Variants in NXPE1 observed in about 807,000 individuals in gnomAD.
The protein encoded by NXPE1 is neurexophilin and PC-esterase domain family member 1.
In NXPE1, 31 loss-of-function variants were observed where a neutral mutation model predicts 33.3. The observed-to-expected ratio is 0.93, with a 90% CI of 0.70 to 1.26. NXPE1 has a LOEUF of 1.26. Among genes scored for constraint, NXPE1 ranks in the 50% most tolerant of loss-of-function variants. The pLI is 0.00. For missense variants in NXPE1, 661 were observed against 655.6 expected (o/e 1.01, Z -0.09); for synonymous variants, 229 against 231.4 (o/e 0.99, Z 0.09).
At chr11:114,536,440 G>T (rs1947827964) in intron 5 of NXPE1, among the ~76,000 whole-genome samples, 1 of 152,046 alleles carries the variant, frequency 6.6e-6, no homozygotes, top group Non-Finnish European at 1.5e-5. Flanking sequence ...ATCAGAGCAG[G>T]ACTGAAGGAA....
At chr11:114,530,771 T>C (rs1947550666) in exon 6 of NXPE1, 3 of 1,614,148 alleles carry the variant, frequency 1.9e-6, no homozygotes, top group African/African-American at 2.7e-5. Flanking sequence ...GCTGATCTAG[T>C]TTCTCTATGA....
At chr11:114,525,979 T>C (rs899598604) in intron 7 of NXPE1, among the ~76,000 whole-genome samples, 3 of 152,154 alleles carry the variant, frequency 2.0e-5, no homozygotes, top group African/African-American at 7.2e-5. Flanking sequence ...GGTATGGCCT[T>C]TGAGATGGAG....
At chr11:114,529,384 C>A (rs1330520481) in intron 6 of NXPE1, 1 of 152,128 alleles carries the variant, frequency 6.6e-6, no homozygotes, top group African/African-American at 2.4e-5. Flanking sequence ...TCAAAGTAGC[C>A]CATGAAGGAA....
At chr11:114,534,392 AG>A (rs1328763377) in intron 5 of NXPE1, among the ~76,000 whole-genome samples, 4 of 152,356 alleles carry the variant, frequency 2.6e-5, no homozygotes, top group African/African-American at 9.6e-5. Flanking sequence ...TCTCCTCCAA[AG>A]GAACGCAGCT....
At chr11:114,538,689 A>C (rs1297516506) in intron 5 of NXPE1, among the ~76,000 whole-genome samples, 1 of 152,246 alleles carries the variant, frequency 6.6e-6, no homozygotes, top group Non-Finnish European at 1.5e-5. Flanking sequence ...AAAAATGCTC[A>C]TCATCACTGG....
chr11:114,519,810 A>G (rs1947169969), downstream of NXPE1, among the ~76,000 whole-genome samples: 2 of 152,106 alleles, frequency 1.3e-5, no homozygotes, highest in Non-Finnish European at 2.9e-5. Flanking sequence ...ATACAGTGTG[A>G]TGTTTTGATA....
intron 1 of NXPE1, among the ~76,000 whole-genome samples, chr11:114,553,156 C>T (rs1305937117): frequency 9.2e-5 from 14 of 152,194 alleles, no homozygotes; most frequent in African/African-American, 9.6e-5. Flanking sequence ...TTTCCTCAAT[C>T]GTTTTCATTG....
chr11:114,534,989 C>A (rs1185362142), intron 5 of NXPE1, among the ~76,000 whole-genome samples: 1 of 152,058 alleles, frequency 6.6e-6, no homozygotes, highest in Admixed American at 6.6e-5. Context: ...TCAAATTCAC[C>A]AAAGTTTAAA....
chr11:114,539,605 T>C (rs1338001689), intron 5 of NXPE1, among the ~76,000 whole-genome samples: 1 of 152,184 alleles, frequency 6.6e-6, no homozygotes, highest in African/African-American at 2.4e-5. Context: ...AAATTAAAAA[T>C]TTTCTGTATT....
At chr11:114,551,021 T>C in intron 5 of NXPE1, 82 bp downstream of exon 5, 1 of 715,214 alleles carries the variant, frequency 1.4e-6, no homozygotes, top group South Asian at 1.6e-5. Context: ...GGGGCAGGAC[T>C]AATGGAGTGG....
chr11:114,522,489 CA>C lies in NXPE1; in HGVS notation c.1122del (p.Phe374LeufsTer40). 1 of 1,593,612 alleles carries C rather than the reference CA, an allele frequency of 6.3e-7. No homozygotes were observed. The highest frequency in any genetic ancestry group is 8.5e-7 in the Non-Finnish European group (1 of 1,169,770). On this transcript the variant is annotated frameshift_variant, in exon 9 of 9. Transcript: ENST00000534921. LOFTEE classifies it low-confidence loss of function (END_TRUNC). ...TTAAAGATTCCAGTTTCATGAAGAT[CA>C]AAAAACTTCAGTGCTGATAAAAAAA... is the stretch of plus-strand genomic sequence containing the variant.
chr11:114,519,903 G>GT (rs1426157060), downstream of NXPE1, among the ~76,000 whole-genome samples: 1 of 140,200 alleles, frequency 7.1e-6, no homozygotes, highest in Non-Finnish European at 1.5e-5. Flanking sequence ...TTGTTTGTTT[G>GT]TTTTTTGAGA....
In NXPE1 at chr11:114,537,059, A is replaced by G. The variant is rs568168679; in HGVS notation, c.100-6151T>C. ...AAATACTGGCAAACCGAATCCAGCA[A>G]CACATCAAAAAGCTTATCCACCGTG... On this transcript the variant is annotated intron_variant, in intron 5 of 8. Coordinates refer to ENST00000534921, the Ensembl canonical transcript of NXPE1. Among the ~76,000 whole-genome samples the G allele has an allele frequency of 1.1e-4, 16 of 152,302 alleles. No homozygotes were observed. The East Asian group carries it at 2.5e-3, about 24-fold the overall frequency.
chr11:114,519,441 A>T (rs554998287), downstream of NXPE1, among the ~76,000 whole-genome samples: 1 of 152,194 alleles, frequency 6.6e-6, no homozygotes, highest in Non-Finnish European at 1.5e-5. Context: ...AAGAAGCAAA[A>T]CTTAGTCTCT....
chr11:114,522,165 T>TG lies in NXPE1; in HGVS notation c.1446_1447insC (p.Met483HisfsTer33). Reference sequence around the variant, plus strand: ...CCAAACCTCTCTGTCTCTATGTGCATCTCCCTGATGTTTTCTGTCTTAATA... The same window carrying TG: ...CCAAACCTCTCTGTCTCTATGTGCATGCTCCCTGATGTTTTCTGTCTTAATA... On this transcript the variant is annotated frameshift_variant, in exon 9 of 9. Coordinates refer to ENST00000534921, the Ensembl canonical transcript of NXPE1. LOFTEE classifies it low-confidence loss of function (END_TRUNC). 5.6e-6 allele frequency: 9 copies of TG among 1,614,044 alleles called. No homozygotes were observed. The highest frequency in any genetic ancestry group is 7.6e-6 in the Non-Finnish European group (9 of 1,179,918).
chr11:114,543,845 CTA>C (rs1948185474), intron 5 of NXPE1, among the ~76,000 whole-genome samples: 1 of 152,026 alleles, frequency 6.6e-6, no homozygotes, highest in African/African-American at 2.4e-5. Flanking sequence ...CCCAAAGAAT[CTA>C]TAGAAAATTC....
At chr11:114,520,091 C>T (rs1457132220), downstream of NXPE1, among the ~76,000 whole-genome samples, 4 of 152,062 alleles carry the variant, frequency 2.6e-5, no homozygotes, top group African/African-American at 7.2e-5. Context: ...CGTAAGCCAC[C>T]GTGCCTGGCC....
intron 5 of NXPE1, among the ~76,000 whole-genome samples, chr11:114,533,442 G>A (rs1338906351): frequency 6.6e-6 from 1 of 152,174 alleles, no homozygotes; most frequent in Non-Finnish European, 1.5e-5. Context: ...GTGGGTGCAG[G>A]ACAGTGGATG....
rs113997736 is a variant in NXPE1, at chr11:114,524,197, C to T, written c.896-1106G>A. Among the ~76,000 whole-genome samples, 584 of 152,212 alleles carry T rather than the reference C, an allele frequency of 3.8e-3. 5 individuals are homozygous for T. Among genetic ancestry groups the T allele is most frequent in the African/African-American group, 0.013 (529 of 41,528 alleles). On this transcript the variant is annotated intron_variant, in intron 7 of 8. Transcript: ENST00000534921. ...TTTTAAAGCATGACCTAGAAGTTTC[C>T]CACTTGCACTTCTGGAAAAAACTTA...
Sources: allele counts gnomAD v4.1 joint callset (sites outside exome capture counted in the v4.1 genomes callset), GRCh38; gene constraint gnomAD v4.1.1; transcripts MANE v1.5; gene names NCBI Gene and HGNC (gene_info 2026-07-23, HGNC 2026-07-21).